Variants in DPP10 observed in about 807,000 individuals in gnomAD.
DPP10 encodes the protein dipeptidyl peptidase like 10, also known as inactive dipeptidyl peptidase 10.
In DPP10, 33 loss-of-function variants were observed where a neutral mutation model predicts 120.9. The ratio of observed to expected loss-of-function variants is 0.27; its 90% confidence interval spans 0.21 to 0.37. The LOEUF is 0.37. Ranked by LOEUF, DPP10 falls within the 10% of genes least tolerant of loss-of-function variation. The pLI, the probability that DPP10 is intolerant of heterozygous loss-of-function variation, is 1.00. For missense variants in DPP10, 816 were observed against 942.8 expected (o/e 0.87, Z 1.76); for synonymous variants, 337 against 326.1 (o/e 1.03, Z -0.36).
At chr2:114,639,701 T>C (rs1175519818) in intron 1 of DPP10, among the ~76,000 whole-genome samples, 1 of 151,912 alleles carries the variant, frequency 6.6e-6, no homozygotes, top group Non-Finnish European at 1.5e-5. Flanking sequence ...AGTTGTCAAT[T>C]TGCAAAGAAT....
intron 1 of DPP10, among the ~76,000 whole-genome samples, chr2:114,526,695 C>T (rs191822821): frequency 6.6e-5 from 10 of 152,168 alleles, no homozygotes; most frequent in Admixed American, 3.3e-4. Context: ...ACTGTGTCCT[C>T]GCATGATGGA....
chr2:115,127,353 C>T (rs1166688912), intron 1 of DPP10, among the ~76,000 whole-genome samples: 2 of 152,222 alleles, frequency 1.3e-5, no homozygotes, highest in Non-Finnish European at 2.9e-5. Context: ...TGAAGTTCTG[C>T]CAACTCTGGG....
At chr2:115,582,304 G>A (rs2082045354) in intron 5 of DPP10, among the ~76,000 whole-genome samples, 2 of 152,054 alleles carry the variant, frequency 1.3e-5, no homozygotes, top group East Asian at 1.9e-4. Flanking sequence ...CTTACCAGTC[G>A]AGTGCTGCAA....
chr2:114,911,060 C>A (rs1284529131), intron 1 of DPP10, among the ~76,000 whole-genome samples: 1 of 152,154 alleles, frequency 6.6e-6, no homozygotes, highest in African/African-American at 2.4e-5. Flanking sequence ...GACACCAGTG[C>A]AGTCTCTTTA....
intron 1 of DPP10, among the ~76,000 whole-genome samples, chr2:114,566,011 G>A (rs962424220): frequency 6.6e-6 from 1 of 152,170 alleles, no homozygotes; most frequent in Non-Finnish European, 1.5e-5. Context: ...TACCCTTATG[G>A]GGGTGGATGT....
intron 1 of DPP10, among the ~76,000 whole-genome samples, chr2:114,811,530 G>A (rs565926106): frequency 7.9e-5 from 12 of 151,540 alleles, no homozygotes; most frequent in Admixed American, 2.6e-4. Flanking sequence ...GTTCCACCAT[G>A]ACAATAACTT....
At chr2:115,624,233 G>T (rs1166408645) in intron 5 of DPP10, among the ~76,000 whole-genome samples, 2 of 151,902 alleles carry the variant, frequency 1.3e-5, no homozygotes, top group African/African-American at 2.4e-5. Context: ...TTGTTAAATT[G>T]ACTTCTATAA....
intron 1 of DPP10, among the ~76,000 whole-genome samples, chr2:114,703,898 G>T (rs1438345706): frequency 1.3e-5 from 2 of 152,062 alleles, no homozygotes; most frequent in African/African-American, 4.8e-5. Flanking sequence ...AGGGTGACTT[G>T]GGACCAGCTA....
intron 13 of DPP10, among the ~76,000 whole-genome samples, chr2:115,775,195 G>A (rs1369416170): frequency 6.6e-6 from 1 of 151,312 alleles, no homozygotes; most frequent in African/African-American, 2.4e-5. Context: ...AGAAAAGGAA[G>A]AGAATAAATT....
chr2:114,875,033 A>C (rs1463393406), intron 1 of DPP10, among the ~76,000 whole-genome samples: 1 of 152,138 alleles, frequency 6.6e-6, no homozygotes, highest in Non-Finnish European at 1.5e-5. Context: ...TTATGCCACA[A>C]TTATTCTGTC....
intron 3 of DPP10, among the ~76,000 whole-genome samples, chr2:115,428,884 C>G (rs1047215510): frequency 2.0e-5 from 3 of 152,066 alleles, no homozygotes; most frequent in Non-Finnish European, 1.5e-5. Flanking sequence ...TTGGCTGAAT[C>G]GGACCTTATA....
chr2:115,210,987 C>A (rs983956124), intron 1 of DPP10, among the ~76,000 whole-genome samples: 3 of 151,932 alleles, frequency 2.0e-5, no homozygotes, highest in Non-Finnish European at 4.4e-5. Context: ...ATATTCAAGA[C>A]ATTTATGTTT....
At chr2:115,838,425 A>G (rs906424863) in intron 24 of DPP10, among the ~76,000 whole-genome samples, 12 of 152,194 alleles carry the variant, frequency 7.9e-5, no homozygotes, top group Non-Finnish European at 1.6e-4. Flanking sequence ...CATTTAACAG[A>G]TTGGGAAAAT....
intron 3 of DPP10, among the ~76,000 whole-genome samples, chr2:115,394,118 C>T (rs948586488): frequency 3.9e-5 from 6 of 152,018 alleles, no homozygotes; most frequent in African/African-American, 7.2e-5. Context: ...AATTTGGAAT[C>T]GATTCTAAAA....
chr2:115,286,491 A>AATATATATATTACATATATAATATATAT (rs2060383221), intron 1 of DPP10, among the ~76,000 whole-genome samples: 1 of 85,478 alleles, frequency 1.2e-5, no homozygotes, highest in African/African-American at 4.5e-5. Context: ...ATATATATAT[A>AATATATATATTACATATATAATATATAT]ATATATATAT....
chr2:115,724,515 A>C (rs144542026), intron 7 of DPP10, among the ~76,000 whole-genome samples: 50 of 147,252 alleles, frequency 3.4e-4, no homozygotes, highest in African/African-American at 1.3e-3. Flanking sequence ...TAGTATTTCA[A>C]TTGTTCTTCT....
At chr2:114,529,715 G>T (rs11123246) in intron 1 of DPP10, among the ~76,000 whole-genome samples, 22,057 of 152,092 alleles carry the variant, frequency 0.15, 1,709 homozygotes, top group Middle Eastern at 0.24. Context: ...TGGTAGATGT[G>T]CAGGATGTGC....
intron 1 of DPP10, among the ~76,000 whole-genome samples, chr2:115,199,580 C>T (rs2055541680): frequency 6.6e-6 from 1 of 152,102 alleles, no homozygotes; most frequent in Non-Finnish European, 1.5e-5. Context: ...CAATGTAGCA[C>T]TATCTTTTTT....
At chr2:115,576,163 G>A (rs2081642376) in intron 5 of DPP10, among the ~76,000 whole-genome samples, 1 of 152,164 alleles carries the variant, frequency 6.6e-6, no homozygotes, top group South Asian at 2.1e-4. Context: ...GCATGGAAAA[G>A]CAATACAATG....
Sources: gnomAD v4.1 joint callset for allele counts (sites outside exome capture counted in the v4.1 genomes callset) on GRCh38, gnomAD v4.1.1 for gene constraint, MANE v1.5 for transcripts, NCBI Gene and HGNC (gene_info 2026-07-23, HGNC 2026-07-21) for gene names.